The following PCDH1 variants were observed in gnomAD, a reference collection of about 807,000 sequenced individuals.
PCDH1 encodes the protein protocadherin-1.
A neutral mutation model predicts 74.6 loss-of-function variants in PCDH1; 23 were observed. The ratio of observed to expected loss-of-function variants is 0.31; its 90% CI spans 0.22 to 0.44. The LOEUF (loss-of-function observed/expected upper bound fraction) is 0.44. Ranked by LOEUF, PCDH1 falls within the 20% of genes least tolerant of loss-of-function variation. PCDH1 has a pLI of 1.00. For synonymous variants in PCDH1, 647 were observed against 686.1 expected (o/e 0.94, Z 0.89); for missense variants, 1,214 against 1,641.4 (o/e 0.74, Z 4.50).
intron 3 of PCDH1, among the ~76,000 whole-genome samples, chr5:141,860,662 C>T (rs1362984667): frequency 1.3e-5 from 2 of 152,086 alleles, no homozygotes; most frequent in African/African-American, 2.4e-5. Flanking sequence ...ATAGGAGACC[C>T]GCCTGCTTTG....
intron 3 of PCDH1, among the ~76,000 whole-genome samples, chr5:141,858,826 A>G (rs1333271524): frequency 2.0e-5 from 3 of 152,032 alleles, no homozygotes; most frequent in African/African-American, 7.2e-5. Context: ...CTTACTCTAT[A>G]ACTCTGGATA....
rs146525683 is a variant in PCDH1, at chr5:141,856,869, C to T, written c.3319+383G>A. Among the ~76,000 whole-genome samples the T allele has an allele frequency of 1.2e-3, 186 of 152,294 alleles. 1 individual carries two copies. The highest frequency in any genetic ancestry group is 4.2e-3 in the African/African-American group (176 of 41,548). On this transcript the variant is annotated intron_variant, in intron 4 of 4. Transcript: ENST00000287008. Reference sequence around the variant, plus strand: ...CCTTCTCAAGGTTTCCTCACCATTACGTGAGCTTTCTGGCCACCACACTCA... The same window carrying T: ...CCTTCTCAAGGTTTCCTCACCATTATGTGAGCTTTCTGGCCACCACACTCA...
chr5:141,860,204 G>C (rs1419927132), intron 3 of PCDH1, among the ~76,000 whole-genome samples: 1 of 152,208 alleles, frequency 6.6e-6, no homozygotes, highest in East Asian at 1.9e-4. Context: ...AATAAATTCA[G>C]AAAACTCAAG....
chr5:141,864,493 A>G lies in PCDH1; in HGVS notation c.1838T>C (p.Met613Thr). The stretch of plus-strand genomic sequence containing the variant: ...CACTGAGAAGTTGTAGCCACTCAGC[A>G]TAAATTTGGGGTCATTGTCATTGCA... ...LDCNDNDPKF[M>T]LSGYNFSVME... The change falls in exon 3 of 5, where the codon ATG becomes ACG. Residue 613 changes from methionine (M) to threonine (T), a missense_variant. Coordinates refer to ENST00000287008, the MANE Select transcript of PCDH1 (RefSeq NM_032420.5). This position sits in a 1 kb window ranked among gnomAD's most constrained non-coding sequence, Gnocchi z 5.9. 1 of 1,614,120 alleles carries G rather than the reference A, an allele frequency of 6.2e-7. No homozygotes were observed. The highest frequency in any genetic ancestry group is 1.3e-5 in the African/African-American group (1 of 75,028).
Position 141,869,636 on chromosome 5 carries a change from C to T in PCDH1, c.41-205G>A. The T allele has an allele frequency of 3.3e-6, 5 of 1,533,888 alleles. No individual in the cohort carries two copies. The highest frequency in any genetic ancestry group is 4.4e-6 in the Non-Finnish European group (5 of 1,146,220). On this transcript the variant is annotated intron_variant, in intron 1 of 4. Transcript: ENST00000287008. This position sits in a 1 kb window ranked among gnomAD's most constrained non-coding sequence, Gnocchi z 4.9. ...CTGGGTGTAGCAGCAGTGTCTGCCC[C>T]AGCTGGAGGAGCCAGTAAGAGGCCT...
Position 141,863,875 on chromosome 5 carries a change from C to T in PCDH1, c.2456G>A (p.Arg819His), listed in dbSNP as rs138699618. 9.9e-6 allele frequency: 16 copies of T among 1,614,106 alleles called. No homozygotes were observed. Among genetic ancestry groups the T allele is most frequent in the Admixed American group, 3.3e-5 (2 of 60,028 alleles). ...HLYVNETLANRTLLETLLGHS... is the reference protein window; with the variant it reads ...HLYVNETLANHTLLETLLGHS... ...GCCCAGGAGGGTCTCCAGCAGCGTGCGGTTGGCCAGAGTCTCATTGACATA... is the reference window on the plus strand; with the variant it reads ...GCCCAGGAGGGTCTCCAGCAGCGTGTGGTTGGCCAGAGTCTCATTGACATA... The change falls in exon 3 of 5, where the codon CGC becomes CAC. Residue 819 changes from arginine to histidine, a missense_variant. Transcript: ENST00000287008. The surrounding 1 kb of genome is among the most constrained non-coding windows in gnomAD (Gnocchi z 7.5).
chr5:141,872,534 G>A (rs1753120051), intron 1 of PCDH1, among the ~76,000 whole-genome samples: 1 of 152,162 alleles, frequency 6.6e-6, no homozygotes, highest in South Asian at 2.1e-4. Context: ...CGCTAATTCA[G>A]GGGGCCATGA....
At position 141,878,322 on chromosome 5, in the gene PCDH1, T is replaced by TAA; in HGVS notation, c.-61_-60insTT. The TAA allele has an allele frequency of 8.6e-7, 1 of 1,167,188 alleles. No individual in the cohort carries two copies. The highest frequency in any genetic ancestry group is 1.1e-6 in the Non-Finnish European group (1 of 940,450). 72.3% of individuals were successfully genotyped at this position (1,167,188 alleles called of 1,614,324 possible). A position where few individuals can be genotyped will look rare whatever the true frequency, so the allele number is the denominator to read the frequency against. On this transcript the variant is annotated 5_prime_UTR_variant, in exon 1 of 5. Coordinates refer to ENST00000287008, the MANE Select transcript of PCDH1 (RefSeq NM_032420.5). This position sits in a 1 kb window ranked among gnomAD's most constrained non-coding sequence, Gnocchi z 5.5. ...CGCACGGCTGGGGCTGGAGCTGCAG[T>TAA]TCGGGCTCCGGCTCCGGCTCCGGCT...
chr5:141,876,555 A>G (rs938891778), intron 1 of PCDH1, among the ~76,000 whole-genome samples: 2 of 152,218 alleles, frequency 1.3e-5, no homozygotes, highest in Admixed American at 6.5e-5. Flanking sequence ...CTTTCCTGGC[A>G]GAAGAAATAG....
chr5:141,872,131 C>CG (rs1262126865), intron 1 of PCDH1, among the ~76,000 whole-genome samples: 9 of 143,808 alleles, frequency 6.3e-5, no homozygotes, highest in African/African-American at 2.4e-4. Flanking sequence ...ACCCCCCACC[C>CG]CCCCCCTCCA....
chr5:141,866,246 G>C (rs868675758), intron 2 of PCDH1: 19 of 985,314 alleles, frequency 1.9e-5, no homozygotes, highest in Admixed American at 6.1e-5. Flanking sequence ...GCACCAATGC[G>C]AGGAATCCGG....
At chr5:141,870,380 G>A (rs1276502364) in intron 1 of PCDH1, among the ~76,000 whole-genome samples, 2 of 152,192 alleles carry the variant, frequency 1.3e-5, no homozygotes, top group Non-Finnish European at 2.9e-5. Flanking sequence ...GGGAACACAG[G>A]TCAAGATTGG....
chr5:141,856,351 TGGGAGGTTAGACAAGGGCCC>T (rs145694332), intron 4 of PCDH1: 615,492 of 822,212 alleles, frequency 0.75, 240,894 homozygotes, highest in East Asian at 0.82. Context: ...ACCTAGGGCC[TGGGAGGTTAGACAAGGGCCC>T]GGGAGGTTAG....
In PCDH1 at chr5:141,865,766, A is replaced by G. The variant is rs969564351; in HGVS notation, c.904-339T>C. On this transcript the variant is annotated intron_variant, in intron 2 of 4. Coordinates refer to ENST00000287008, the MANE Select transcript of PCDH1 (RefSeq NM_032420.5). The surrounding 1 kb of genome is among the most constrained non-coding windows in gnomAD (Gnocchi z 4.4). The stretch of plus-strand genomic sequence containing the variant: ...AATACCAGGAGAGGATGAGGATCCA[A>G]TAGAACTAGGGAAGCCATTTCACCA... Among the ~76,000 whole-genome samples the G allele has an allele frequency of 7.2e-5, 11 of 152,220 alleles. No individual in the cohort carries two copies. The highest frequency in any genetic ancestry group is 1.7e-4 in the African/African-American group (7 of 41,458).
intron 4 of PCDH1, among the ~76,000 whole-genome samples, chr5:141,856,561 ATGCACACGCAC>A (rs1752347310): frequency 6.6e-6 from 1 of 151,976 alleles, no homozygotes; most frequent in African/African-American, 2.4e-5. Context: ...GACTTCACAC[ATGCACACGCAC>A]TGCACACACA....
intron 2 of PCDH1, chr5:141,867,463 T>C (rs985722455): frequency 2.5e-6 from 1 of 402,660 alleles, no homozygotes; most frequent in African/African-American, 2.1e-5. Context: ...ATGGGGATAA[T>C]ACTTACCTTG....
intron 2 of PCDH1, among the ~76,000 whole-genome samples, chr5:141,867,952 A>AC (rs1752922019): frequency 6.6e-6 from 1 of 151,748 alleles, no homozygotes; most frequent in Non-Finnish European, 1.5e-5. Flanking sequence ...GAGGAAATTG[A>AC]CCCCCCACTG....
intron 1 of PCDH1, among the ~76,000 whole-genome samples, chr5:141,870,622 T>C (rs1232459985): frequency 6.6e-6 from 1 of 151,972 alleles, no homozygotes; most frequent in African/African-American, 2.4e-5. Flanking sequence ...TACTTCACAC[T>C]TGCCTCTCCC....
chr5:141,867,099 T>C (rs548904550), intron 2 of PCDH1, among the ~76,000 whole-genome samples: 1 of 152,202 alleles, frequency 6.6e-6, no homozygotes, highest in Non-Finnish European at 1.5e-5. Flanking sequence ...ATGATGAGGA[T>C]CCCCAGTCTC....
Sources: allele counts gnomAD v4.1 joint callset (sites outside exome capture counted in the v4.1 genomes callset), GRCh38; gene constraint gnomAD v4.1.1; non-coding constraint Gnocchi (gnomAD v3.1); transcripts MANE v1.5; gene names NCBI Gene and HGNC (gene_info 2026-07-23, HGNC 2026-07-21).